Variants in ETS1 observed in about 807,000 individuals in gnomAD.
ETS1 encodes the protein protein C-ets-1.
A neutral mutation model predicts 58.6 loss-of-function variants in ETS1; 15 were observed. The ratio of observed to expected loss-of-function variants is 0.26; its 90% CI spans 0.17 to 0.39. The LOEUF is 0.39. Among genes scored for constraint, ETS1 ranks in the 10% least tolerant of loss-of-function variants. The pLI, the probability that ETS1 is intolerant of heterozygous loss-of-function variation, is 1.00. For synonymous variants in ETS1, 214 were observed against 218.2 expected, an observed-to-expected ratio of 0.98 and a Z score of 0.17; for missense variants, 417 against 610.5, an observed-to-expected ratio of 0.68 and a Z score of 3.34.
In ETS1 at chr11:128,458,968, ACCT is replaced by A. The variant is rs1861837278; in HGVS notation, c.*3390_*3392del. ...ACTTACATCGCTACATCTCTAAGCT[ACCT>A]CAGTTCTGATTTTTAAAAAGCACCT... On this transcript the variant is annotated 3_prime_UTR_variant, in exon 10 of 10. Transcript: ENST00000392668. The surrounding 1 kb of genome is among the most constrained non-coding windows in gnomAD (Gnocchi z 4.3). 6.6e-6 allele frequency: 1 copy of A among 152,602 alleles called. No individual in the cohort carries two copies. The highest frequency in any genetic ancestry group is 2.4e-5 in the African/African-American group (1 of 41,404). 9.5% of individuals were successfully genotyped at this position (152,602 alleles called of 1,614,324 possible).
chr11:128,460,201 G>T lies in ETS1; in HGVS notation c.*2160C>A, dbSNP rs142088976. ...ACATAATCTAAGAGAAAACAATGTA[G>T]TCCAAACAGTTCCACCCAACACTCC... On this transcript the variant is annotated 3_prime_UTR_variant, in exon 10 of 10. Transcript: ENST00000392668. 2.0e-4 allele frequency: 30 copies of T among 152,756 alleles called. No homozygotes were observed. The highest frequency in any genetic ancestry group is 5.1e-4 in the African/African-American group (21 of 41,492). The allele number at this position is 152,756 out of a possible 1,614,324, so 9.5% of individuals were successfully genotyped here. A position where few individuals can be genotyped will look rare whatever the true frequency, so the allele number is the denominator to read the frequency against.
At chr11:128,510,322 T>C (rs2135498652) in intron 3 of ETS1, among the ~76,000 whole-genome samples, 1 of 152,362 alleles carries the variant, frequency 6.6e-6, no homozygotes, top group South Asian at 2.1e-4. Context: ...AGCATCCTTC[T>C]TGGAGAAGAA....
At chr11:128,495,117 G>T (rs1018346822) in intron 3 of ETS1, among the ~76,000 whole-genome samples, 8 of 152,124 alleles carry the variant, frequency 5.3e-5, no homozygotes, top group African/African-American at 1.9e-4. Context: ...GTATCACAAG[G>T]TCCCCATTTC....
chr11:128,472,419 T>C (rs1565368039), intron 8 of ETS1, among the ~76,000 whole-genome samples: 1 of 152,164 alleles, frequency 6.6e-6, no homozygotes, highest in East Asian at 1.9e-4. Context: ...ACAACATGCA[T>C]TGAACTCAGA....
At chr11:128,504,610 T>A (rs950173657) in intron 3 of ETS1, among the ~76,000 whole-genome samples, 2 of 152,218 alleles carry the variant, frequency 1.3e-5, no homozygotes, top group African/African-American at 4.8e-5. Context: ...TTTCTTTTAC[T>A]GGTGGGTAAA....
chr11:128,471,627 C>T (rs577555342), intron 8 of ETS1, among the ~76,000 whole-genome samples: 3 of 152,262 alleles, frequency 2.0e-5, no homozygotes, highest in South Asian at 2.1e-4. Context: ...TCTAGGTAAC[C>T]GGTTCTTTTA....
chr11:128,460,699 G>A lies in ETS1; in HGVS notation c.*1662C>T, dbSNP rs1412779945. The A allele has an allele frequency of 6.6e-6, 1 of 152,316 alleles. No homozygotes were observed. The highest frequency in any genetic ancestry group is 2.4e-5 in the African/African-American group (1 of 41,452). The allele number at this position is 152,316 out of a possible 1,614,324, so 9.4% of individuals were successfully genotyped here. ...TCCCCCTCACAACCAGCAGAAAGAT[G>A]ACTACCTTGCTTGACTATGTTTGTA... is the stretch of plus-strand genomic sequence containing the variant. On this transcript the variant is annotated 3_prime_UTR_variant, in exon 10 of 10. Coordinates refer to ENST00000392668, the MANE Select transcript of ETS1 (RefSeq NM_001143820.2).
At chr11:128,495,788 A>T (rs1362557063) in intron 3 of ETS1, among the ~76,000 whole-genome samples, 2 of 152,240 alleles carry the variant, frequency 1.3e-5, no homozygotes, top group African/African-American at 4.8e-5. Context: ...TTCTGATTTC[A>T]CATACGCCAT....
At chr11:128,508,556 T>C (rs752092049) in intron 3 of ETS1, among the ~76,000 whole-genome samples, 8 of 152,190 alleles carry the variant, frequency 5.3e-5, no homozygotes, top group Non-Finnish European at 1.0e-4. Context: ...AGGGACTCAA[T>C]TACTTACTAT....
At position 128,484,999 on chromosome 11, in the gene ETS1, T is replaced by C. The variant is rs1317417666; in HGVS notation, c.686A>G (p.Tyr229Cys). 6.2e-7 allele frequency: 1 copy of C among 1,613,958 alleles called. No homozygotes were observed. Among genetic ancestry groups the C allele is most frequent in the Non-Finnish European group, 8.5e-7 (1 of 1,179,910 alleles). Residue 229 changes from tyrosine (Y) to cysteine (C), a missense_variant, in exon 7 of 10, where the codon TAT becomes TGT. By Grantham distance (194) the Tyr-to-Cys change is radical. This residue lies in a region of ETS1 where 132 missense variants were observed against 212.1 expected (regional missense o/e 0.62). Transcript: ENST00000392668. ...FSEPSFITES[Y>C]QTLHPISSEE... ...CGAGCTGATGGGATGGAGCGTCTGA[T>C]AGGACTCTGTGATGAAGCTGGGCTC...
intron 3 of ETS1, among the ~76,000 whole-genome samples, chr11:128,514,896 C>T (rs187331565): frequency 1.3e-5 from 2 of 152,250 alleles, no homozygotes; most frequent in African/African-American, 4.8e-5. Flanking sequence ...CACTTAAATT[C>T]GTTCATCTTT....
intron 2 of ETS1, among the ~76,000 whole-genome samples, chr11:128,560,681 G>A (rs1422222093): frequency 6.6e-6 from 1 of 152,194 alleles, no homozygotes; most frequent in East Asian, 1.9e-4. Context: ...AATGAATTAT[G>A]GCAATGTGCA....
intron 3 of ETS1, among the ~76,000 whole-genome samples, chr11:128,539,506 C>T (rs1434896325): frequency 6.6e-6 from 1 of 152,170 alleles, no homozygotes; most frequent in Non-Finnish European, 1.5e-5. Flanking sequence ...TACTACTGCT[C>T]ATTCACCATG....
chr11:128,546,062 C>T (rs1189647371), intron 3 of ETS1, among the ~76,000 whole-genome samples: 1 of 152,198 alleles, frequency 6.6e-6, no homozygotes, highest in African/African-American at 2.4e-5. Flanking sequence ...TGAACATTCA[C>T]CAGGACGCAA....
intron 4 of ETS1, 35 bp downstream of exon 4, chr11:128,490,421 AC>A: frequency 6.2e-7 from 1 of 1,612,430 alleles, no homozygotes; most frequent in South Asian, 1.1e-5. Context: ...AAAGGGTCTG[AC>A]CCCAACCACT....
Position 128,585,032 on chromosome 11 carries a change from AAAAGAAAGAAAGAAAGAAAG to A in ETS1, c.-15+2436_-15+2455del, listed in dbSNP as rs755191654. Among the ~76,000 whole-genome samples, 19 of 11,446 alleles carry A rather than the reference AAAAGAAAGAAAGAAAGAAAG, an allele frequency of 1.7e-3. 3 individuals are homozygous for A. The highest frequency in any genetic ancestry group is 7.7e-3 in the African/African-American group (14 of 1,820). The allele number at this position is 11,446 out of a possible 152,430, so 7.5% of individuals were successfully genotyped here. ...GAAAGGAAAGAAAGAAGAAAGAAAG[AAAAGAAAGAAAGAAAGAAAG>A]AAAGAAAGAAAGAAAGAAAGAAAGA... On this transcript the variant is annotated intron_variant, in intron 1 of 9. Transcript: ENST00000392668.
rs1444542973 is a variant in ETS1, at chr11:128,484,830, G to A, written c.855C>T (p.Thr285=). The A allele has an allele frequency of 6.2e-7, 1 of 1,613,658 alleles. No individual in the cohort carries two copies. The highest frequency in any genetic ancestry group is 1.1e-5 in the South Asian group (1 of 91,026). The stretch of plus-strand genomic sequence containing the variant: ...AGAAGAAATATGACCTACCACGACT[G>A]GTCCTCCCCATGCACATGTTGTCTG... ...VTPDNMCMGR[T]SRGKLGGQDS... The change falls in exon 7 of 10, where the codon ACC becomes ACT. Residue 285 remains threonine (T), a synonymous_variant. Coordinates refer to ENST00000392668, the MANE Select transcript of ETS1 (RefSeq NM_001143820.2).
intron 3 of ETS1, among the ~76,000 whole-genome samples, chr11:128,518,992 GTGT>G (rs1239317688): frequency 6.6e-6 from 1 of 152,216 alleles, no homozygotes; most frequent in Non-Finnish European, 1.5e-5. Context: ...GCTTGGGAAT[GTGT>G]TGGCTTTGGC....
intron 3 of ETS1, among the ~76,000 whole-genome samples, chr11:128,497,937 TA>T (rs1862986804): frequency 1.3e-5 from 2 of 152,114 alleles, no homozygotes; most frequent in South Asian, 4.2e-4. Flanking sequence ...GCTCATTCCT[TA>T]GACTAGTTCA....
Sources: gnomAD v4.1 joint callset for allele counts (sites outside exome capture counted in the v4.1 genomes callset) on GRCh38, gnomAD v4.1.1 for gene constraint, gnomAD v4.1.1 regional missense constraint, Gnocchi (gnomAD v3.1) non-coding constraint, MANE v1.5 for transcripts, NCBI Gene and HGNC (gene_info 2026-07-23, HGNC 2026-07-21) for gene names.